BMERB1: variants seen among roughly 807,000 people sequenced by gnomAD.
BMERB1 encodes the protein bMERB domain containing 1.
In BMERB1, 12 loss-of-function variants were observed where a neutral mutation model predicts 23.6. The ratio of observed to expected loss-of-function variants is 0.51; its 90% CI spans 0.33 to 0.82. BMERB1 has a LOEUF of 0.82. Ranked by LOEUF, BMERB1 falls within the 40% of genes least tolerant of loss-of-function variation. The pLI, the probability that BMERB1 is intolerant of heterozygous loss-of-function variation, is 0.03. For synonymous variants in BMERB1, 122 were observed against 96.6 expected, an observed-to-expected ratio of 1.26 and a Z score of -1.54; for missense variants, 247 against 255.4, an observed-to-expected ratio of 0.97 and a Z score of 0.22.
chr16:15,562,783 C>A (rs529581433), intron 2 of BMERB1, among the ~76,000 whole-genome samples: 1 of 152,196 alleles, frequency 6.6e-6, no homozygotes, highest in Admixed American at 6.5e-5. Flanking sequence ...GTTGAACGAT[C>A]GCTGATAGAA....
intron 1 of BMERB1, among the ~76,000 whole-genome samples, chr16:15,486,546 G>C (rs79284509): frequency 1.3e-5 from 2 of 152,158 alleles, no homozygotes; most frequent in Non-Finnish European, 1.5e-5. Context: ...TATTGGTCCA[G>C]CTTGGGCCAG....
At chr16:15,474,692 A>T (rs1029230065) in intron 1 of BMERB1, among the ~76,000 whole-genome samples, 1 of 147,280 alleles carries the variant, frequency 6.8e-6, no homozygotes, top group Admixed American at 6.8e-5. Context: ...TCTCTTTTTT[A>T]TTCTTATTTT....
At chr16:15,476,556 C>G (rs2150933661) in intron 1 of BMERB1, among the ~76,000 whole-genome samples, 1 of 152,342 alleles carries the variant, frequency 6.6e-6, no homozygotes, top group South Asian at 2.1e-4. Context: ...AAAATGCAGG[C>G]CTGGCTGGCC....
At chr16:15,496,066 A>T (rs2051470143) in intron 1 of BMERB1, among the ~76,000 whole-genome samples, 1 of 151,728 alleles carries the variant, frequency 6.6e-6, no homozygotes, top group African/African-American at 2.4e-5. Flanking sequence ...GATGGTGATG[A>T]TGACAGTGAT....
At chr16:15,492,640 C>T (rs965836022) in intron 1 of BMERB1, among the ~76,000 whole-genome samples, 15 of 152,158 alleles carry the variant, frequency 9.9e-5, no homozygotes, top group East Asian at 1.9e-4. Context: ...GAATGGTGGC[C>T]GGGCACCATG....
intron 1 of BMERB1, among the ~76,000 whole-genome samples, chr16:15,456,675 A>G (rs1316352523): frequency 6.6e-6 from 1 of 152,046 alleles, no homozygotes; most frequent in East Asian, 1.9e-4. Context: ...TTTTCTGATC[A>G]CTGCATAATT....
At chr16:15,522,476 TAGC>T (rs2051865232) in intron 2 of BMERB1, among the ~76,000 whole-genome samples, 2 of 152,158 alleles carry the variant, frequency 1.3e-5, no homozygotes, top group Admixed American at 6.5e-5. Context: ...GCATTGTAGA[TAGC>T]AGTTCTTTTA....
intron 1 of BMERB1, among the ~76,000 whole-genome samples, chr16:15,483,442 T>C (rs1448950636): frequency 6.6e-6 from 1 of 152,144 alleles, no homozygotes; most frequent in East Asian, 1.9e-4. Flanking sequence ...TGCAATGGCA[T>C]GATCTCAGCT....
At position 15,434,620 on chromosome 16, in the gene BMERB1, G is replaced by A; in HGVS notation, c.-34G>A. On this transcript the variant is annotated 5_prime_UTR_variant, in exon 1 of 6. Transcript: ENST00000300006. ...CAGCCCGCAACGGGAATGGAGTAAA[G>A]GGAGACCCGTCGACCTGGCCACGGG... 2.5e-6 allele frequency: 4 copies of A among 1,588,120 alleles called. No individual in the cohort carries two copies. The highest frequency in any genetic ancestry group is 1.3e-5 in the African/African-American group (1 of 74,512).
intron 1 of BMERB1, among the ~76,000 whole-genome samples, chr16:15,458,748 A>T (rs2051109829): frequency 6.6e-6 from 1 of 151,268 alleles, no homozygotes; most frequent in Admixed American, 6.6e-5. Flanking sequence ...GAAGTTTATG[A>T]GAATTAAAAG....
intron 1 of BMERB1, among the ~76,000 whole-genome samples, chr16:15,507,375 C>G (rs2051603964): frequency 6.6e-6 from 1 of 152,154 alleles, no homozygotes; most frequent in Non-Finnish European, 1.5e-5. Context: ...TGCCACCGCT[C>G]AGGAAGCATG....
At chr16:15,529,939 C>G (rs1196401891) in intron 2 of BMERB1, among the ~76,000 whole-genome samples, 1 of 152,190 alleles carries the variant, frequency 6.6e-6, no homozygotes, top group Non-Finnish European at 1.5e-5. Context: ...GGCTGGAAGT[C>G]TGAAATCGAT....
intron 2 of BMERB1, among the ~76,000 whole-genome samples, chr16:15,535,117 A>G (rs894208711): frequency 6.6e-6 from 1 of 152,176 alleles, no homozygotes; most frequent in Non-Finnish European, 1.5e-5. Flanking sequence ...TGAGAGGCTT[A>G]GGTGGGAGGA....
In BMERB1 at chr16:15,587,478, C is replaced by T. The variant is rs746532897; in HGVS notation, c.*649C>T. ...CTGGGCACAGTTCACATCAGGACAG[C>T]GTCCATTGTGCTCTCAGTCTGCCTC... On this transcript the variant is annotated 3_prime_UTR_variant, in exon 6 of 6. Coordinates refer to ENST00000300006, the MANE Select transcript of BMERB1 (RefSeq NM_033201.3). 2.6e-5 allele frequency: 11 copies of T among 417,684 alleles called. No individual in the cohort carries two copies. The highest frequency in any genetic ancestry group is 4.9e-5 in the Non-Finnish European group (10 of 204,598). 25.9% of individuals were successfully genotyped at this position (417,684 alleles called of 1,614,324 possible).
At chr16:15,502,763 CT>C (rs1040478966) in intron 1 of BMERB1, among the ~76,000 whole-genome samples, 16 of 152,198 alleles carry the variant, frequency 1.1e-4, no homozygotes, top group African/African-American at 3.4e-4. Flanking sequence ...TGACAAAAGG[CT>C]GGAGGGGGCC....
chr16:15,436,243 C>G (rs1052918391), intron 1 of BMERB1, among the ~76,000 whole-genome samples: 8 of 146,734 alleles, frequency 5.5e-5, no homozygotes, highest in Non-Finnish European at 1.2e-4. Flanking sequence ...ACTAATTATA[C>G]TCTTTTAGTT....
chr16:15,575,601 C>T (rs1335113256), intron 3 of BMERB1, among the ~76,000 whole-genome samples: 1 of 151,908 alleles, frequency 6.6e-6, no homozygotes, highest in East Asian at 1.9e-4. Context: ...ACAAAATAAG[C>T]GAGGAAAGAA....
At chr16:15,500,181 A>G (rs2051514650) in intron 1 of BMERB1, among the ~76,000 whole-genome samples, 1 of 152,122 alleles carries the variant, frequency 6.6e-6, no homozygotes, top group Non-Finnish European at 1.5e-5. Context: ...AACAGACTAC[A>G]CTGCCTGAGA....
chr16:15,545,794 A>T (rs933531170), intron 2 of BMERB1, among the ~76,000 whole-genome samples: 1 of 152,188 alleles, frequency 6.6e-6, no homozygotes, highest in African/African-American at 2.4e-5. Flanking sequence ...AACTTCTCTA[A>T]TAATGACTGA....
Sources: gnomAD v4.1 joint callset for allele counts (sites outside exome capture counted in the v4.1 genomes callset) on GRCh38, gnomAD v4.1.1 for gene constraint, MANE v1.5 for transcripts, NCBI Gene and HGNC (gene_info 2026-07-23, HGNC 2026-07-21) for gene names.